The following TECPR2 variants were observed in gnomAD, a reference collection of about 807,000 sequenced individuals.
TECPR2 encodes tectonin beta-propeller repeat-containing protein 2.
A neutral mutation model predicts 138.1 loss-of-function variants in TECPR2; 65 were observed. That is an observed-to-expected ratio of 0.47 (90% CI 0.39 to 0.58). The LOEUF (loss-of-function observed/expected upper bound fraction) is 0.58, where lower values mean the gene tolerates loss of function less well. Ranked by LOEUF, TECPR2 falls within the 20% of genes least tolerant of loss-of-function variation. TECPR2 has a pLI of 0.00. For synonymous variants in TECPR2, 746 were observed against 749.8 expected (o/e 0.99, Z 0.08); for missense variants, 1,553 against 1,824.5 (o/e 0.85, Z 2.71).
rs111640303 is a variant in TECPR2, at chr14:102,497,116, G to A, written c.3927G>A (p.Val1309=). 3 of 1,610,786 alleles carry A rather than the reference G, an allele frequency of 1.9e-6. No homozygotes were observed. Among genetic ancestry groups the A allele is most frequent in the African/African-American group, 1.3e-5 (1 of 75,062 alleles). ...CTGTGGGGACCGCCTGGGAGCATGT[G>A]CCAGGTAGGAGCCTGCAGACAGGGC... ...EMPVGTAWEH[V]PGLQACQLAL... is the part of the protein sequence containing the mutation. Residue 1309 remains valine, a synonymous_variant, in exon 18 of 20, where the codon GTG becomes GTA. Coordinates refer to ENST00000359520, the MANE Select transcript of TECPR2 (RefSeq NM_014844.5).
intron 17 of TECPR2, among the ~76,000 whole-genome samples, chr14:102,483,733 G>A (rs570535461): frequency 6.8e-6 from 1 of 147,214 alleles, no homozygotes. Flanking sequence ...ATGAGCAACT[G>A]CACCTGGCAC....
rs150026442 is a variant in TECPR2 at position 102,424,889 on chromosome 14, G to C, written c.639-90G>C. ...TTATTGTCTTAGCCAAAAAATTCTT[G>C]TTGTACTTAATATTAAGGGTTGACA... On this transcript the variant is annotated intron_variant, in intron 5 of 19. Coordinates refer to ENST00000359520, the MANE Select transcript of TECPR2 (RefSeq NM_014844.5). The C allele has an allele frequency of 2.3e-4, 299 of 1,318,820 alleles. No homozygotes were observed. The African/African-American group carries it at 4.1e-3, about 18-fold the overall frequency. 81.7% of individuals were successfully genotyped at this position (1,318,820 alleles called of 1,614,324 possible). A position where few individuals can be genotyped will look rare whatever the true frequency, so the allele number is the denominator to read the frequency against.
At chr14:102,427,115 T>G (rs1187695302) in intron 6 of TECPR2, among the ~76,000 whole-genome samples, 1 of 152,116 alleles carries the variant, frequency 6.6e-6, no homozygotes, top group Non-Finnish European at 1.5e-5. Flanking sequence ...GGAAGAAGCA[T>G]CGACTTAGGG....
Position 102,497,663 on chromosome 14 carries a change from A to G in TECPR2, c.4025A>G (p.Lys1342Arg), listed in dbSNP as rs775639255. The G allele has an allele frequency of 1.1e-5, 17 of 1,608,850 alleles. No individual in the cohort carries two copies. The highest frequency in any genetic ancestry group is 1.3e-5 in the Non-Finnish European group (15 of 1,178,282). Residue 1342 changes from lysine (K) to arginine (R), a missense_variant, in exon 19 of 20, where the codon AAG (lysine) becomes AGG (arginine). Physicochemically the swap from Lys to Arg is conservative, Grantham distance 26. Coordinates refer to ENST00000359520, the MANE Select transcript of TECPR2 (RefSeq NM_014844.5). Reference protein sequence around the residue: ...DLARRYGVTDKNPAGDYWKKI... With the variant: ...DLARRYGVTDRNPAGDYWKKI... Reference sequence around the variant, plus strand: ...GCCCGGCGGTACGGCGTCACAGACAAGAACCCCGCCGGGGACTACTGGAAG... The same window carrying G: ...GCCCGGCGGTACGGCGTCACAGACAGGAACCCCGCCGGGGACTACTGGAAG...
At chr14:102,404,390 G>A (rs1247844046) in intron 2 of TECPR2, among the ~76,000 whole-genome samples, 1 of 152,050 alleles carries the variant, frequency 6.6e-6, no homozygotes, top group African/African-American at 2.4e-5. Context: ...AAAGAACAAA[G>A]CTGGAGATCT....
chr14:102,496,909 C>T, intron 17 of TECPR2, 70 bp from the exon 18 acceptor site: 2 of 1,578,162 alleles, frequency 1.3e-6, no homozygotes, highest in Non-Finnish European at 8.6e-7. Flanking sequence ...GTCCCCAGTT[C>T]CGGAAGTCTC....
intron 5 of TECPR2, among the ~76,000 whole-genome samples, chr14:102,417,926 C>T (rs941999110): frequency 1.1e-4 from 16 of 149,838 alleles, no homozygotes; most frequent in African/African-American, 3.7e-4. Flanking sequence ...TGCAGGAGTC[C>T]AGGGGAGCCG....
chr14:102,437,631 G>T (rs1387190763), intron 9 of TECPR2, among the ~76,000 whole-genome samples: 1 of 152,162 alleles, frequency 6.6e-6, no homozygotes, highest in East Asian at 1.9e-4. Flanking sequence ...CCTCTGTAAT[G>T]ATTAGACTAC....
In TECPR2 at chr14:102,499,526, G is replaced by A. The variant is rs895463737; in HGVS notation, c.*1269G>A. 22 of 425,906 alleles carry A rather than the reference G, an allele frequency of 5.2e-5. No individual in the cohort carries two copies. Among genetic ancestry groups the A allele is most frequent in the South Asian group, 7.8e-5 (3 of 38,596 alleles). 26.4% of individuals were successfully genotyped at this position (425,906 alleles called of 1,614,324 possible). A position where few individuals can be genotyped will look rare whatever the true frequency, so the allele number is the denominator to read the frequency against. ...CTGGCAGGGCGGTCACGGGACCTGC[G>A]GGCTGGCTCCGAGTGGCAGCCCATG... On this transcript the variant is annotated 3_prime_UTR_variant, in exon 20 of 20. Transcript: ENST00000359520.
Position 102,435,133 on chromosome 14 carries a change from A to C in TECPR2, c.2316A>C (p.Thr772=). Residue 772 remains threonine, a synonymous_variant, in exon 9 of 20, where the codon ACA becomes ACC. Coordinates refer to ENST00000359520, the MANE Select transcript of TECPR2 (RefSeq NM_014844.5). ...CTTCATCCTCAGAGACGAGTGTGAC[A>C]GAGCTCGGACCTAGTTGCTCCCAGC... ...LPSSSSETSV[T]ELGPSCSQQD... 6.2e-7 allele frequency: 1 copy of C among 1,613,562 alleles called. No individual in the cohort carries two copies. Among genetic ancestry groups the C allele is most frequent in the South Asian group, 1.1e-5 (1 of 91,082 alleles).
chr14:102,405,144 C>T (rs1316913450), intron 2 of TECPR2, among the ~76,000 whole-genome samples: 1 of 151,818 alleles, frequency 6.6e-6, no homozygotes, highest in African/African-American at 2.4e-5. Context: ...TCTGTCTCTA[C>T]TAAAAATATA....
Position 102,445,942 on chromosome 14 carries a change from T to C in TECPR2, c.3070T>C (p.Trp1024Arg). The change falls in exon 13 of 20, where the codon TGG becomes CGG. Residue 1024 changes from tryptophan to arginine, a missense_variant. By Grantham distance (101) the Trp-to-Arg change is moderately radical (BLOSUM62 -3). Coordinates refer to ENST00000359520, the MANE Select transcript of TECPR2 (RefSeq NM_014844.5). ...KKPQGDDDHW[W>R]QVSITDYVVF... The stretch of plus-strand genomic sequence containing the variant: ...GCCCCAAGGAGATGACGACCATTGG[T>C]GGCAAGTAGGTGTTCAGCTCTGCGC... The C allele has an allele frequency of 6.2e-7, 1 of 1,613,872 alleles. No homozygotes were observed. Among genetic ancestry groups the C allele is most frequent in the Non-Finnish European group, 8.5e-7 (1 of 1,179,910 alleles).
intron 11 of TECPR2, among the ~76,000 whole-genome samples, chr14:102,442,140 A>C (rs1049658595): frequency 2.6e-5 from 4 of 152,194 alleles, no homozygotes; most frequent in South Asian, 4.1e-4. Flanking sequence ...CACCATGTCC[A>C]GCTCACTTTT....
intron 2 of TECPR2, among the ~76,000 whole-genome samples, chr14:102,406,794 C>G (rs1888670878): frequency 1.3e-5 from 2 of 152,160 alleles, no homozygotes; most frequent in Admixed American, 6.5e-5. Context: ...GTTGAGGCTG[C>G]AGTGAACTGT....
rs2139716498 is a variant in TECPR2 at position 102,425,279 on chromosome 14, C to T, written c.939C>T (p.Asp313=). 1 of 1,586,174 alleles carries T rather than the reference C, an allele frequency of 6.3e-7. No individual in the cohort carries two copies. Among genetic ancestry groups the T allele is most frequent in the South Asian group, 1.1e-5 (1 of 87,354 alleles). The part of the protein sequence containing the change: ...SWNEYSIYLL[D]TVNQATVAGL... ...ATGAATATAGTATCTATCTCCTAGA[C>T]ACAGTCAACCAGGTAAGTGAAGGGA... is the stretch of plus-strand genomic sequence containing the variant. The change falls in exon 6 of 20, where the codon GAC becomes GAT. Residue 313 remains aspartate (D), a synonymous_variant. Coordinates refer to ENST00000359520, the MANE Select transcript of TECPR2 (RefSeq NM_014844.5).
At chr14:102,478,538 A>G (rs1160496951) in intron 17 of TECPR2, among the ~76,000 whole-genome samples, 1 of 151,330 alleles carries the variant, frequency 6.6e-6, no homozygotes, top group Non-Finnish European at 1.5e-5. Context: ...AAAGTTAGCC[A>G]GGTGTGGTGG....
chr14:102,454,917 G>A (rs1420112600), intron 16 of TECPR2, among the ~76,000 whole-genome samples: 1 of 152,196 alleles, frequency 6.6e-6, no homozygotes, highest in African/African-American at 2.4e-5. Flanking sequence ...CTGCACTGCT[G>A]GAGCCAGCCC....
intron 4 of TECPR2, among the ~76,000 whole-genome samples, chr14:102,412,417 G>A (rs1192230088): frequency 1.3e-5 from 2 of 152,052 alleles, no homozygotes; most frequent in South Asian, 2.1e-4. Context: ...ACAGGTTTGA[G>A]CCACCGTGCC....
intron 1 of TECPR2, among the ~76,000 whole-genome samples, chr14:102,371,010 TG>T (rs1282155878): frequency 1.1e-4 from 16 of 152,258 alleles, no homozygotes; most frequent in African/African-American, 3.6e-4. Flanking sequence ...ATAGCTAGGA[TG>T]TAAGTTTTAC....
Sources: gnomAD v4.1 joint callset for allele counts (sites outside exome capture counted in the v4.1 genomes callset) on GRCh38, gnomAD v4.1.1 for gene constraint, MANE v1.5 for transcripts, NCBI Gene and HGNC (gene_info 2026-07-23, HGNC 2026-07-21) for gene names.